Variants in LRP1B observed in about 807,000 individuals in gnomAD.
LRP1B encodes the protein LDL receptor related protein 1B.
In LRP1B, 217 loss-of-function variants were observed where a neutral mutation model predicts 556.6. The observed-to-expected ratio is 0.39, with a 90% CI of 0.35 to 0.44. The LOEUF is 0.44. LRP1B is among the 20% of genes least tolerant of loss of function. LRP1B has a pLI of 1.00. For missense variants in LRP1B, 5,053 were observed against 5,620.8 expected, an observed-to-expected ratio of 0.90 and a Z score of 3.23; for synonymous variants, 2,047 against 1,865.8, an observed-to-expected ratio of 1.10 and a Z score of -2.50.
At chr2:140,360,252 T>C (rs1682444408) in intron 72 of LRP1B, among the ~76,000 whole-genome samples, 1 of 151,586 alleles carries the variant, frequency 6.6e-6, no homozygotes, top group African/African-American at 2.4e-5. Flanking sequence ...CTCTCAATAT[T>C]TGAGCAATAT....
chr2:141,735,032 T>C (rs1020942522), intron 2 of LRP1B, among the ~76,000 whole-genome samples: 2 of 152,140 alleles, frequency 1.3e-5, no homozygotes, highest in South Asian at 2.1e-4. Flanking sequence ...TCTTATAGTA[T>C]AGCTAATCCT....
At chr2:141,176,041 G>A (rs112836863) in intron 7 of LRP1B, among the ~76,000 whole-genome samples, 13 of 152,278 alleles carry the variant, frequency 8.5e-5, no homozygotes, top group African/African-American at 2.9e-4. Context: ...CTCTTTTGGA[G>A]TGGTGGCATT....
chr2:141,638,330 C>T (rs959163182), intron 2 of LRP1B, among the ~76,000 whole-genome samples: 9 of 152,136 alleles, frequency 5.9e-5, no homozygotes, highest in East Asian at 1.9e-4. Context: ...CCGATTCCAC[C>T]ATTTTGCTTT....
At chr2:141,981,780 C>T (rs1356517927) in intron 1 of LRP1B, among the ~76,000 whole-genome samples, 1 of 152,022 alleles carries the variant, frequency 6.6e-6, no homozygotes, top group African/African-American at 2.4e-5. Flanking sequence ...GTGAGTAGTC[C>T]TTATACAGAG....
intron 7 of LRP1B, among the ~76,000 whole-genome samples, chr2:141,072,967 C>A (rs1334825720): frequency 2.0e-5 from 3 of 152,090 alleles, no homozygotes; most frequent in African/African-American, 4.8e-5. Context: ...TAAGACCTGA[C>A]TTCAGCAACT....
intron 35 of LRP1B, among the ~76,000 whole-genome samples, chr2:140,719,393 A>C (rs1687322674): frequency 7.3e-6 from 1 of 136,818 alleles, no homozygotes; most frequent in Non-Finnish European, 1.6e-5. Flanking sequence ...AAAGAAGAAA[A>C]TCAGGACAAT....
intron 3 of LRP1B, among the ~76,000 whole-genome samples, chr2:141,316,905 G>T (rs574487355): frequency 6.6e-6 from 1 of 152,298 alleles, no homozygotes; most frequent in South Asian, 2.1e-4. Flanking sequence ...TTGCTTTGGG[G>T]ATTAGCAGTA....
chr2:141,025,490 T>C (rs531264671), intron 11 of LRP1B, among the ~76,000 whole-genome samples: 9 of 152,216 alleles, frequency 5.9e-5, no homozygotes, highest in African/African-American at 2.2e-4. Context: ...TGAACATCAG[T>C]AGAATTTGAG....
At chr2:140,715,363 G>T (rs184080134) in intron 37 of LRP1B, among the ~76,000 whole-genome samples, 129 of 152,132 alleles carry the variant, frequency 8.5e-4, no homozygotes, top group Non-Finnish European at 1.1e-3. Flanking sequence ...AAGATAGAGG[G>T]TGTTGGATTG....
intron 43 of LRP1B, among the ~76,000 whole-genome samples, chr2:140,597,110 A>C (rs114888378): frequency 0.01 from 1,557 of 152,332 alleles, 25 homozygotes; most frequent in African/African-American, 0.036. Flanking sequence ...TCATATGAGG[A>C]TAAAGATGAG....
In LRP1B at chr2:141,149,194, TG is replaced by T. The variant is rs201238565; in HGVS notation, c.1013+39226del. On this transcript the variant is annotated intron_variant, in intron 7 of 90. Transcript: ENST00000389484. The stretch of plus-strand genomic sequence containing the variant: ...GTCTCAGAATAAAAAGGGTTTTTTT[TG>T]TTTTGTTTTGTTTTGTTTTTTTGGT... Among the ~76,000 whole-genome samples the T allele has an allele frequency of 7.0e-4, 106 of 151,610 alleles. 1 individual carries two copies. In the East Asian group the frequency reaches 0.014, roughly 21 times the overall value.
rs1244959012 is a variant in LRP1B at position 141,638,993 on chromosome 2, AAT to A, written c.206-158462_206-158461del. ...TGGCTACCTTAGAGTCTCAAAAAAA[AAT>A]ATATATATATATATATTGCCTAGCC... On this transcript the variant is annotated intron_variant, in intron 2 of 90. Coordinates refer to ENST00000389484, the MANE Select transcript of LRP1B (RefSeq NM_018557.3). 4.4e-5 allele frequency among the ~76,000 whole-genome samples: 3 copies of A among 67,676 alleles called. 1 individual carries two copies. Among genetic ancestry groups the A allele is most frequent in the Non-Finnish European group, 1.1e-4 (3 of 27,608 alleles). 44.4% of individuals were successfully genotyped at this position (67,676 alleles called of 152,430 possible). A position where few individuals can be genotyped will look rare whatever the true frequency, so the allele number is the denominator to read the frequency against.
At chr2:142,025,700 T>C (rs952907549) in intron 1 of LRP1B, among the ~76,000 whole-genome samples, 1 of 152,132 alleles carries the variant, frequency 6.6e-6, no homozygotes, top group Non-Finnish European at 1.5e-5. Flanking sequence ...TAAGGGCAAC[T>C]CTCTTCCTGT....
intron 32 of LRP1B, among the ~76,000 whole-genome samples, chr2:140,793,638 CCTAT>C (rs1308753769): frequency 6.6e-6 from 1 of 151,602 alleles, no homozygotes; most frequent in African/African-American, 2.4e-5. Flanking sequence ...TTGCCATGTC[CCTAT>C]CTTTCACAAA....
At chr2:140,857,177 G>A (rs534381844) in intron 27 of LRP1B, among the ~76,000 whole-genome samples, 2 of 152,162 alleles carry the variant, frequency 1.3e-5, no homozygotes, top group East Asian at 3.9e-4. Flanking sequence ...ACACATAAAT[G>A]TTCATGCAAT....
At chr2:142,030,887 A>C (rs2105195153) in intron 1 of LRP1B, among the ~76,000 whole-genome samples, 1 of 151,998 alleles carries the variant, frequency 6.6e-6, no homozygotes, top group African/African-American at 2.4e-5. Flanking sequence ...CCCAGCCACA[A>C]TTTATTAGAT....
intron 41 of LRP1B, among the ~76,000 whole-genome samples, chr2:140,655,951 C>CAAAAAAAAAAAA (rs1286848376): frequency 6.7e-6 from 1 of 148,762 alleles, no homozygotes; most frequent in African/African-American, 2.5e-5. Context: ...TCAAAAAAAA[C>CAAAAAAAAAAAA]AAAAAAAGAA....
At chr2:140,699,823 C>T (rs1214248225) in intron 41 of LRP1B, among the ~76,000 whole-genome samples, 1 of 145,398 alleles carries the variant, frequency 6.9e-6, no homozygotes, top group Non-Finnish European at 1.5e-5. Context: ...TATATATACA[C>T]ATATATACAG....
intron 5 of LRP1B, among the ~76,000 whole-genome samples, chr2:141,243,110 A>T (rs1212890528): frequency 6.6e-6 from 1 of 151,004 alleles, no homozygotes; most frequent in Non-Finnish European, 1.5e-5. Context: ...GTACCTATAC[A>T]TGGTTATTTT....
Sources: gnomAD v4.1 joint callset for allele counts (sites outside exome capture counted in the v4.1 genomes callset) on GRCh38, gnomAD v4.1.1 for gene constraint, MANE v1.5 for transcripts, NCBI Gene and HGNC (gene_info 2026-07-23, HGNC 2026-07-21) for gene names.